Variants in SPTLC3 observed in about 807,000 individuals in gnomAD.
SPTLC3 encodes serine palmitoyltransferase 3.
In SPTLC3, 36 loss-of-function variants were observed where a neutral mutation model predicts 59.3. That is an observed-to-expected ratio of 0.61 (90% confidence interval 0.47 to 0.80). The LOEUF (loss-of-function observed/expected upper bound fraction) is 0.80. Ranked by LOEUF, SPTLC3 falls within the 30% of genes least tolerant of loss-of-function variation. The pLI is 0.00. For missense variants in SPTLC3, 625 were observed against 685.1 expected, an observed-to-expected ratio of 0.91 and a Z score of 0.98; for synonymous variants, 257 against 240.8, an observed-to-expected ratio of 1.07 and a Z score of -0.62.
intron 9 of SPTLC3, among the ~76,000 whole-genome samples, chr20:13,141,445 T>A (rs2038381766): frequency 6.6e-6 from 1 of 152,232 alleles, no homozygotes; most frequent in African/African-American, 2.4e-5. Context: ...AGTGTCTACC[T>A]TGGAAGAGTG....
At chr20:13,085,477 G>A (rs923704082) in intron 4 of SPTLC3, among the ~76,000 whole-genome samples, 1 of 152,160 alleles carries the variant, frequency 6.6e-6, no homozygotes, top group African/African-American at 2.4e-5. Context: ...GGCAAGATGG[G>A]ACAGCTGGCA....
chr20:13,055,647 A>T (rs1987690753), intron 2 of SPTLC3, among the ~76,000 whole-genome samples: 1 of 152,224 alleles, frequency 6.6e-6, no homozygotes, highest in African/African-American at 2.4e-5. Context: ...CTTCTTGTTT[A>T]TCTAAAGCAA....
chr20:13,136,848 A>G (rs950071773), intron 9 of SPTLC3, among the ~76,000 whole-genome samples: 2 of 151,656 alleles, frequency 1.3e-5, no homozygotes, highest in African/African-American at 4.8e-5. Context: ...ATTGCTGCAA[A>G]AAAGGTCATA....
chr20:13,146,851 A>T (rs2038522447), intron 9 of SPTLC3, among the ~76,000 whole-genome samples: 1 of 152,158 alleles, frequency 6.6e-6, no homozygotes, highest in African/African-American at 2.4e-5. Context: ...CAGTTTTTCC[A>T]AAGAGCCAAC....
chr20:13,079,094 C>T (rs1568591756), intron 4 of SPTLC3, among the ~76,000 whole-genome samples: 1 of 151,988 alleles, frequency 6.6e-6, no homozygotes, highest in South Asian at 2.1e-4. Context: ...AAGAAAACTA[C>T]AAAACTTTTA....
intron 1 of SPTLC3, among the ~76,000 whole-genome samples, chr20:13,010,177 C>A (rs1490409767): frequency 6.6e-6 from 1 of 152,038 alleles, no homozygotes; most frequent in African/African-American, 2.4e-5. Flanking sequence ...GTTCCCCACT[C>A]CCCACAGGAC....
chr20:13,080,908 G>T (rs1383269623), intron 4 of SPTLC3, among the ~76,000 whole-genome samples: 2 of 152,128 alleles, frequency 1.3e-5, no homozygotes, highest in Admixed American at 1.3e-4. Flanking sequence ...TTCAGAAATT[G>T]ATTAAATATA....
intron 6 of SPTLC3, among the ~76,000 whole-genome samples, chr20:13,096,465 T>C (rs1989418535): frequency 6.6e-6 from 1 of 150,954 alleles, no homozygotes; most frequent in Non-Finnish European, 1.5e-5. Flanking sequence ...AGCAACAAGC[T>C]ACTGCTACAC....
intron 4 of SPTLC3, among the ~76,000 whole-genome samples, chr20:13,081,479 T>C (rs1425352867): frequency 2.0e-5 from 3 of 152,204 alleles, no homozygotes; most frequent in Non-Finnish European, 1.5e-5. Flanking sequence ...TTTGTTAACC[T>C]GAGCTTTTGA....
chr20:13,163,952 G>A (rs188852573), intron 11 of SPTLC3, among the ~76,000 whole-genome samples: 309 of 151,928 alleles, frequency 2.0e-3, no homozygotes, highest in South Asian at 3.7e-3. Context: ...TGTGCACAAC[G>A]TGCAGGTTTG....
rs980010241 is a variant in SPTLC3 at position 13,096,375 on chromosome 20, C to T, written c.826+2798C>T. On this transcript the variant is annotated intron_variant, in intron 6 of 11. Coordinates refer to ENST00000399002, the MANE Select transcript of SPTLC3 (RefSeq NM_018327.4). ...TAATAGCCAAAATCTGGAAACAATCCGAATGTCTACCAACAGGATAGTAGA... is the reference window on the plus strand; with the variant it reads ...TAATAGCCAAAATCTGGAAACAATCTGAATGTCTACCAACAGGATAGTAGA... Among the ~76,000 whole-genome samples, 4 of 151,670 alleles carry T rather than the reference C, an allele frequency of 2.6e-5. No homozygotes were observed. In the East Asian group the frequency reaches 5.8e-4, roughly 22 times the overall value.
At chr20:13,078,938 C>T (rs144214796) in intron 4 of SPTLC3, among the ~76,000 whole-genome samples, 4 of 152,116 alleles carry the variant, frequency 2.6e-5, no homozygotes, top group Admixed American at 2.0e-4. Context: ...CAATAAAGAA[C>T]AATTTTTTAA....
chr20:13,073,944 G>T, intron 3 of SPTLC3: 1 of 586,194 alleles, frequency 1.7e-6, no homozygotes, highest in East Asian at 4.3e-5. Context: ...AGGGAGGTGT[G>T]GCACCTGAGT....
chr20:13,064,593 C>T (rs913397174), intron 2 of SPTLC3, among the ~76,000 whole-genome samples: 4 of 152,216 alleles, frequency 2.6e-5, no homozygotes, highest in African/African-American at 9.6e-5. Context: ...AGCCACAGAG[C>T]ACGGCTAAAT....
chr20:13,088,060 C>T (rs1211259573), intron 4 of SPTLC3, among the ~76,000 whole-genome samples: 1 of 152,194 alleles, frequency 6.6e-6, no homozygotes, highest in East Asian at 1.9e-4. Context: ...AAGCCAGAAC[C>T]TAGTCTCCTC....
At chr20:13,048,839 A>G in intron 1 of SPTLC3, 106 bp from the exon 2 acceptor site, 1 of 1,016,094 alleles carries the variant, frequency 9.8e-7, no homozygotes, top group Non-Finnish European at 1.4e-6. Flanking sequence ...TTACAATCTT[A>G]AATATGGCCT....
In SPTLC3 at chr20:13,113,457, CA is replaced by C. The variant is rs1337235756; in HGVS notation, c.932+3243del. On this transcript the variant is annotated intron_variant, in intron 7 of 11. Transcript: ENST00000399002. ...ATAACCCCCAAAGAGAGCAGTCAGC[CA>C]AATCAGAAAGTTTCAGGGAGATATC... Among the ~76,000 whole-genome samples, 3 of 152,094 alleles carry C rather than the reference CA, an allele frequency of 2.0e-5. No individual in the cohort carries two copies. The East Asian group carries it at 5.8e-4, about 29-fold the overall frequency.
At chr20:13,156,582 T>C (rs1256231315) in intron 10 of SPTLC3, among the ~76,000 whole-genome samples, 1 of 152,214 alleles carries the variant, frequency 6.6e-6, no homozygotes, top group Non-Finnish European at 1.5e-5. Context: ...AAGGTTACTG[T>C]GAAGATTAAA....
intron 11 of SPTLC3, among the ~76,000 whole-genome samples, chr20:13,163,473 AC>A (rs1436349566): frequency 2.0e-5 from 3 of 151,988 alleles, no homozygotes; most frequent in Non-Finnish European, 2.9e-5. Context: ...CACTTTGGAT[AC>A]CACTGAACTA....
Sources: allele counts gnomAD v4.1 joint callset (sites outside exome capture counted in the v4.1 genomes callset), GRCh38; gene constraint gnomAD v4.1.1; transcripts MANE v1.5; gene names NCBI Gene and HGNC (gene_info 2026-07-23, HGNC 2026-07-21).